ENKUR: variants seen among roughly 807,000 people sequenced by gnomAD.
ENKUR encodes the protein enkurin, TRPC channel interacting protein.
A neutral mutation model predicts 27.6 loss-of-function variants in ENKUR; 19 were observed. The observed-to-expected ratio is 0.69, with a 90% CI of 0.48 to 1.01. The LOEUF is 1.01. ENKUR is among the 50% of genes least tolerant of loss of function. ENKUR has a pLI of 0.00. For synonymous variants in ENKUR, 117 were observed against 96.9 expected (o/e 1.21, Z -1.22); for missense variants, 312 against 310.5 (o/e 1.00, Z -0.04).
At chr10:25,023,241 A>G in intron 2 of ENKUR, 1 of 1,612,264 alleles carries the variant, frequency 6.2e-7, no homozygotes, top group Non-Finnish European at 8.5e-7. Flanking sequence ...ACTTTAACCG[A>G]TGTCATCATC....
At chr10:25,025,249 A>G in intron 2 of ENKUR, 2 of 1,614,222 alleles carry the variant, frequency 1.2e-6, no homozygotes, top group Non-Finnish European at 1.7e-6. Context: ...ACCTGCTATC[A>G]TGCAGGCTTT....
intron 2 of ENKUR, among the ~76,000 whole-genome samples, chr10:25,055,734 G>C (rs1320370766): frequency 6.6e-6 from 1 of 152,130 alleles, no homozygotes; most frequent in African/African-American, 2.4e-5. Context: ...ACATGGTGAA[G>C]CTCCGTTGTG....
chr10:25,060,241 A>C (rs1407076296), intron 2 of ENKUR, among the ~76,000 whole-genome samples: 1 of 152,126 alleles, frequency 6.6e-6, no homozygotes, highest in Non-Finnish European at 1.5e-5. Flanking sequence ...TGTGTTGTGC[A>C]AGCAGACCGG....
intron 1 of ENKUR, among the ~76,000 whole-genome samples, chr10:25,001,990 C>T (rs1263556990): frequency 6.6e-6 from 1 of 151,940 alleles, no homozygotes; most frequent in Non-Finnish European, 1.5e-5. Flanking sequence ...TTCTGGTGTT[C>T]TTTAAATTTC....
In ENKUR at chr10:24,983,122, G is replaced by T. The variant is rs1323583741; in HGVS notation, c.*1248C>A. On this transcript the variant is annotated 3_prime_UTR_variant, in exon 6 of 6. Coordinates refer to ENST00000331161, the MANE Select transcript of ENKUR (RefSeq NM_145010.4). ...CCAGACAAAAGGAGACTGGGTCCCTGAGTGACTGCATGGAACAGACTTATA... is the reference window on the plus strand; with the variant it reads ...CCAGACAAAAGGAGACTGGGTCCCTTAGTGACTGCATGGAACAGACTTATA... The T allele has an allele frequency of 6.6e-6, 1 of 152,216 alleles. No homozygotes were observed. Among genetic ancestry groups the T allele is most frequent in the African/African-American group, 2.4e-5 (1 of 41,448 alleles). The allele number at this position is 152,216 out of a possible 1,614,324, so 9.4% of individuals were successfully genotyped here. A position where few individuals can be genotyped will look rare whatever the true frequency, so the allele number is the denominator to read the frequency against.
chr10:25,046,661 T>C (rs1444486350), intron 2 of ENKUR, among the ~76,000 whole-genome samples: 1 of 152,232 alleles, frequency 6.6e-6, no homozygotes, highest in East Asian at 1.9e-4. Context: ...ATAGTGCATA[T>C]AAAGCTCTAT....
At chr10:25,016,484 G>T (rs759531477), upstream of ENKUR, among the ~76,000 whole-genome samples, 1 of 152,218 alleles carries the variant, frequency 6.6e-6, no homozygotes, top group African/African-American at 2.4e-5. Flanking sequence ...CTGAGACCAC[G>T]AGGACGCAAG....
At chr10:25,029,640 G>A (rs373772637) in intron 2 of ENKUR, among the ~76,000 whole-genome samples, 9 of 152,032 alleles carry the variant, frequency 5.9e-5, no homozygotes, top group African/African-American at 2.2e-4. Flanking sequence ...TACAATCTAC[G>A]TATGAAAAAG....
intron 2 of ENKUR, among the ~76,000 whole-genome samples, chr10:25,058,953 G>C (rs1462154310): frequency 1.3e-5 from 2 of 151,106 alleles, no homozygotes; most frequent in African/African-American, 4.9e-5. Flanking sequence ...AAAGTAAGGA[G>C]GGGGAGACCC....
intron 1 of ENKUR, among the ~76,000 whole-genome samples, chr10:25,014,659 T>C (rs919272235): frequency 2.0e-5 from 3 of 152,210 alleles, no homozygotes; most frequent in Non-Finnish European, 2.9e-5. Flanking sequence ...TTTTATCTCA[T>C]GTAATATGCA....
intron 2 of ENKUR, among the ~76,000 whole-genome samples, chr10:25,042,294 A>C (rs201543764): frequency 1.6e-5 from 1 of 62,842 alleles, no homozygotes. Context: ...TCAGAGTCTC[A>C]AAAAAAAAAA....
chr10:24,984,568 G>A (rs1404225454), intron 5 of ENKUR, 168 bp downstream of exon 5: 2 of 1,020,216 alleles, frequency 2.0e-6, no homozygotes, highest in African/African-American at 3.3e-5. Context: ...TTCTTCTTGT[G>A]TAAGTGAATA....
At chr10:25,001,763 C>T (rs1472543085) in intron 1 of ENKUR, among the ~76,000 whole-genome samples, 1 of 152,090 alleles carries the variant, frequency 6.6e-6, no homozygotes, top group East Asian at 1.9e-4. Context: ...CTTTCTTCTA[C>T]CTTTTGAATA....
exon 2 of ENKUR, chr10:25,061,334 G>C: frequency 1.7e-6 from 1 of 599,480 alleles, no homozygotes; most frequent in Non-Finnish European, 3.0e-6. Context: ...GCTCTGTTGG[G>C]TGCAGCTCCT....
chr10:25,019,541 C>T (rs985426987), upstream of ENKUR, among the ~76,000 whole-genome samples: 3 of 152,154 alleles, frequency 2.0e-5, no homozygotes, highest in African/African-American at 7.2e-5. Flanking sequence ...CAAATTAGTA[C>T]AACAGCTCTG....
chr10:25,023,388 C>G (rs1752964452), intron 2 of ENKUR: 1 of 1,613,952 alleles, frequency 6.2e-7, no homozygotes, highest in African/African-American at 1.3e-5. Context: ...TTGTTGGAGA[C>G]AAAAATATTA....
chr10:24,984,958 GA>G, intron 4 of ENKUR, 53 bp from the exon 5 acceptor site: 1 of 1,378,852 alleles, frequency 7.3e-7, no homozygotes, highest in Admixed American at 2.0e-5. Context: ...AAAAGTAAAG[GA>G]AATGGGAAAA....
chr10:25,055,787 A>G (rs1020347185), intron 2 of ENKUR, among the ~76,000 whole-genome samples: 1 of 152,192 alleles, frequency 6.6e-6, no homozygotes, highest in East Asian at 1.9e-4. Context: ...AAGACCCTCA[A>G]AACGGTATGA....
chr10:24,990,678 C>T, intron 3 of ENKUR, 69 bp from the exon 4 acceptor site: 1 of 1,411,058 alleles, frequency 7.1e-7, no homozygotes, highest in Middle Eastern at 1.9e-4. Flanking sequence ...TACGTATCAA[C>T]TGATGATGGA....
Sources: allele counts gnomAD v4.1 joint callset (sites outside exome capture counted in the v4.1 genomes callset), GRCh38; gene constraint gnomAD v4.1.1; transcripts MANE v1.5; gene names NCBI Gene and HGNC (gene_info 2026-07-23, HGNC 2026-07-21).